The following MYH7 variants were observed in gnomAD, a reference collection of about 807,000 sequenced individuals.
The protein encoded by MYH7 is myosin-7.
A neutral mutation model predicts 225.4 loss-of-function variants in MYH7; 129 were observed. The ratio of observed to expected loss-of-function variants is 0.57; its 90% CI spans 0.50 to 0.66. The LOEUF is 0.66. Among genes scored for constraint, MYH7 ranks in the 30% least tolerant of loss-of-function variants. The pLI is 0.00. For missense variants in MYH7, 1,649 were observed against 2,517.0 expected (o/e 0.66, Z 7.38); for synonymous variants, 971 against 1,007.6 (o/e 0.96, Z 0.69).
At position 23,420,974 on chromosome 14, in the gene MYH7, T is replaced by G. The variant is rs886038988; in HGVS notation, c.3320A>C (p.Lys1107Thr). 3 of 1,612,328 alleles carry G rather than the reference T, an allele frequency of 1.9e-6. No homozygotes were observed. The highest frequency in any genetic ancestry group is 2.5e-6 in the Non-Finnish European group (3 of 1,179,966). ...EQALGSQLQK[K>T]LKELQARIEE... ...AGACCTCACCTGAAGCTCCTTGAGC[T>G]TCTTCTGCAGCTGGCTGCCGAGGGC... The change falls in exon 26 of 40, where the codon AAG becomes ACG. Residue 1107 changes from lysine (K) to threonine (T), a missense_variant. Around this residue, in one of 12 missense-constraint regions of MYH7, gnomAD observed 106 missense variants for 198.8 expected, o/e 0.53. Coordinates refer to ENST00000355349, the MANE Select transcript of MYH7 (RefSeq NM_000257.4).
rs1555338036 is a variant in MYH7, at chr14:23,426,879, G to T, written c.1957-15C>A. ...TTCAGATTTTCCTGTGGCCAAAAAT[G>T]CAATAGAGAAAAGTAAAGAAAATGC... On this transcript the variant is annotated splice_polypyrimidine_tract_variant and intron_variant, in intron 17 of 39. Coordinates refer to ENST00000355349, the MANE Select transcript of MYH7 (RefSeq NM_000257.4). 6.2e-7 allele frequency: 1 copy of T among 1,609,696 alleles called. No individual in the cohort carries two copies. Among genetic ancestry groups the T allele is most frequent in the Non-Finnish European group, 8.5e-7 (1 of 1,176,110 alleles).
At chr14:23,427,014 A>AG (rs1320739522) in intron 17 of MYH7, 150 bp from the exon 18 acceptor site, 10 of 853,346 alleles carry the variant, frequency 1.2e-5, no homozygotes, top group Middle Eastern at 2.3e-4. Context: ...AGGGATAAGG[A>AG]GAGAGGGTGG....
chr14:23,413,426 A>G (rs1214862174), intron 39 of MYH7, among the ~76,000 whole-genome samples: 1 of 152,184 alleles, frequency 6.6e-6, no homozygotes, highest in Non-Finnish European at 1.5e-5. Context: ...AAATATAAAA[A>G]TTAGCTAGAC....
chr14:23,423,010 T>C (rs572018059), intron 24 of MYH7, among the ~76,000 whole-genome samples: 1 of 152,332 alleles, frequency 6.6e-6, no homozygotes, highest in South Asian at 2.1e-4. Context: ...CCAAATTGAA[T>C]AGATCTAAGT....
At chr14:23,430,337 G>A (rs1173079704) in intron 11 of MYH7, among the ~76,000 whole-genome samples, 1 of 152,128 alleles carries the variant, frequency 6.6e-6, no homozygotes, top group African/African-American at 2.4e-5. Context: ...TCTGTCTCAT[G>A]GCTTTCAGCT....
chr14:23,431,511 T>A, intron 8 of MYH7, 30 bp from the exon 9 acceptor site: 1 of 1,613,878 alleles, frequency 6.2e-7, no homozygotes, highest in Non-Finnish European at 8.5e-7. Flanking sequence ...TGGTGATGAG[T>A]TGGGGGAAGG....
Position 23,416,121 on chromosome 14 carries a change from C to G in MYH7, c.4836G>C (p.Leu1612=). 1 of 1,614,220 alleles carries G rather than the reference C, an allele frequency of 6.2e-7. No individual in the cohort carries two copies. The highest frequency in any genetic ancestry group is 8.5e-7 in the Non-Finnish European group (1 of 1,180,042). ...DAETRSRNEA[L]RVKKKMEGDL... is the part of the protein sequence containing the mutation. ...CTCCTTCCATCTTCTTCTTCACCCTCAGGGCCTCGTTGCGGCTGCGTGTCT... is the reference window on the plus strand; with the variant it reads ...CTCCTTCCATCTTCTTCTTCACCCTGAGGGCCTCGTTGCGGCTGCGTGTCT... Residue 1612 remains leucine, a synonymous_variant, in exon 34 of 40, where the codon CTG becomes CTC. Coordinates refer to ENST00000355349, the MANE Select transcript of MYH7 (RefSeq NM_000257.4).
At chr14:23,422,456 A>G (rs1892512680) in intron 24 of MYH7, 131 bp from the exon 25 acceptor site, 1 of 1,201,958 alleles carries the variant, frequency 8.3e-7, no homozygotes, top group Admixed American at 1.9e-5. Context: ...AGTGGGCCAA[A>G]TGTTATTAGG....
chr14:23,429,989 G>A, intron 11 of MYH7, 76 bp from the exon 12 acceptor site: 2 of 1,566,108 alleles, frequency 1.3e-6, no homozygotes, highest in South Asian at 2.2e-5. Flanking sequence ...GTAAGTTGGA[G>A]AGAAAACTTG....
chr14:23,433,168 G>A lies in MYH7; in HGVS notation c.261C>T (p.Ile87=), dbSNP rs148560996. The change falls in exon 4 of 40, where the codon ATC becomes ATT. Residue 87 remains isoleucine (I), a synonymous_variant. Transcript: ENST00000355349. The surrounding 1 kb of genome is among the most constrained non-coding windows in gnomAD (Gnocchi z 4.1). ...MQQNPPKFDK[I]EDMAMLTFLH... ...GGAAGGTCAGCATGGCCATGTCCTC[G>A]ATTTTGTCGAACTTGGGTGGGTTCT... The A allele has an allele frequency of 1.5e-4, 246 of 1,614,062 alleles. 2 individuals are homozygous for A. In the African/African-American group the frequency reaches 2.3e-3, roughly 15 times the overall value.
chr14:23,434,983 G>A (rs1166457265), intron 1 of MYH7, among the ~76,000 whole-genome samples: 1 of 151,658 alleles, frequency 6.6e-6, no homozygotes, highest in African/African-American at 2.4e-5. Flanking sequence ...CAGCAAATGT[G>A]CACATTTCAG....
chr14:23,415,880 C>T lies in MYH7; in HGVS notation c.4954-48G>A. On this transcript the variant is annotated intron_variant, in intron 34 of 39. Coordinates refer to ENST00000355349, the MANE Select transcript of MYH7 (RefSeq NM_000257.4). This position sits in a 1 kb window ranked among gnomAD's most constrained non-coding sequence, Gnocchi z 6.3. Reference sequence around the variant, plus strand: ...TGAGCAGGGAGCCAGCCTCGGTTCCCTTCACTAAAGGCACCTGTCAGAGGT... The same window carrying T: ...TGAGCAGGGAGCCAGCCTCGGTTCCTTTCACTAAAGGCACCTGTCAGAGGT... The T allele has an allele frequency of 6.2e-7, 1 of 1,613,746 alleles. No homozygotes were observed. The highest frequency in any genetic ancestry group is 8.5e-7 in the Non-Finnish European group (1 of 1,179,784).
At chr14:23,430,032 A>T (rs1468040376) in intron 11 of MYH7, 119 bp from the exon 12 acceptor site, 1 of 1,220,640 alleles carries the variant, frequency 8.2e-7, no homozygotes, top group African/African-American at 1.5e-5. Context: ...TGAGACTCCC[A>T]TACCCAGTGG....
intron 12 of MYH7, among the ~76,000 whole-genome samples, 196 bp from the exon 13 acceptor site, chr14:23,429,543 G>A (rs1212544431): frequency 2.0e-5 from 3 of 152,088 alleles, no homozygotes; most frequent in African/African-American, 4.8e-5. Context: ...AGGCATGGTG[G>A]TGCATGCCTG....
At position 23,427,368 on chromosome 14, in the gene MYH7, A is replaced by G; in HGVS notation, c.1889-61T>C. The stretch of plus-strand genomic sequence containing the variant: ...GTGGGGAGGTAGGGTGTGAGTAAAG[A>G]ATCACAGCCCCTCTTTACATCCTTG... On this transcript the variant is annotated intron_variant, in intron 16 of 39. Coordinates refer to ENST00000355349, the MANE Select transcript of MYH7 (RefSeq NM_000257.4). 7 of 1,592,582 alleles carry G rather than the reference A, an allele frequency of 4.4e-6. No individual in the cohort carries two copies. In the South Asian group the frequency reaches 7.8e-5, roughly 18 times the overall value.
At position 23,424,789 on chromosome 14, in the gene MYH7, G is replaced by A; in HGVS notation, c.2659C>T (p.Leu887=). The A allele has an allele frequency of 6.2e-7, 1 of 1,614,172 alleles. No individual in the cohort carries two copies. Among genetic ancestry groups the A allele is most frequent in the South Asian group, 1.1e-5 (1 of 91,086 alleles). The change falls in exon 22 of 40, where the codon CTG becomes TTG. Residue 887 remains leucine, a synonymous_variant. Transcript: ENST00000355349. The stretch of plus-strand genomic sequence containing the variant: ...CTCACCGCCTGCACTTGGAGCTGCA[G>A]GTCATTCTTCTCCTGCAGCAGGGAC... The part of the protein sequence containing the change: ...MVSLLQEKND[L]QLQVQAEQDN...
In MYH7 at chr14:23,419,932, C is replaced by T. The variant is rs1238904908; in HGVS notation, c.3639G>A (p.Val1213=). Residue 1213 remains valine (V), a synonymous_variant, in exon 27 of 40, where the codon GTG becomes GTA. Transcript: ENST00000355349. ...LGEQIDNLQR[V]KQKLEKEKSE... The stretch of plus-strand genomic sequence containing the variant: ...TCTTCTCCTTCTCCAGCTTCTGCTT[C>T]ACCCGCTGCAGGTTGTCGATCTGCT... The T allele has an allele frequency of 5.0e-6, 8 of 1,611,940 alleles. No homozygotes were observed. The highest frequency in any genetic ancestry group is 5.9e-6 in the Non-Finnish European group (7 of 1,178,728).
chr14:23,432,587 C>T, intron 5 of MYH7, 52 bp downstream of exon 5: 1 of 1,614,162 alleles, frequency 6.2e-7, no homozygotes, highest in Admixed American at 1.7e-5. Context: ...TCTCCCTCTC[C>T]CTCCCGGCCT....
At position 23,431,438 on chromosome 14, in the gene MYH7, GC is replaced by G; in HGVS notation, c.775del (p.Ala259HisfsTer5). 6.2e-7 allele frequency: 1 copy of G among 1,614,198 alleles called. No individual in the cohort carries two copies. Among genetic ancestry groups the G allele is most frequent in the Non-Finnish European group, 8.5e-7 (1 of 1,180,026 alleles). On this transcript the variant is annotated frameshift_variant, in exon 9 of 40. Coordinates refer to ENST00000355349, the MANE Select transcript of MYH7 (RefSeq NM_000257.4). LOFTEE classifies it high-confidence loss of function. ...CTCACAGGTCTCTATGTCTGCAGAT[GC>G]CAACTTTCCTGTTGCCCCAAAATGA... Reference protein sequence around the residue: ...RIHFGATGKLASADIETYLLE... With the variant: ...RIHFGATGKLXSADIETYLLE...
Sources: gnomAD v4.1 joint callset for allele counts (sites outside exome capture counted in the v4.1 genomes callset) on GRCh38, gnomAD v4.1.1 for gene constraint, gnomAD v4.1.1 regional missense constraint, Gnocchi (gnomAD v3.1) non-coding constraint, MANE v1.5 for transcripts, NCBI Gene and HGNC (gene_info 2026-07-23, HGNC 2026-07-21) for gene names.